The following ATP9B variants were observed in gnomAD, a reference collection of about 807,000 sequenced individuals.
ATP9B encodes the protein probable phospholipid-transporting ATPase IIB.
A neutral mutation model predicts 146.1 loss-of-function variants in ATP9B; 110 were observed. The ratio of observed to expected loss-of-function variants is 0.75; its 90% confidence interval spans 0.65 to 0.88. The LOEUF is 0.88. Ranked by LOEUF, ATP9B falls within the 40% of genes least tolerant of loss-of-function variation. The pLI is 0.00. For missense variants in ATP9B, 1,499 were observed against 1,496.4 expected (o/e 1.00, Z -0.03); for synonymous variants, 604 against 569.7 (o/e 1.06, Z -0.86).
Position 79,113,374 on chromosome 18 carries a change from ATTAAG to A in ATP9B, c.558+25_558+29del. ...CCTCTGGTAAGAAAAGACTTTAAAA[ATTAAG>A]TTAAATTATGAAATATTTAGAATAT... On this transcript the variant is annotated intron_variant, in intron 4 of 29. Coordinates refer to ENST00000426216, the MANE Select transcript of ATP9B (RefSeq NM_198531.5). 1 of 1,314,512 alleles carries A rather than the reference ATTAAG, an allele frequency of 7.6e-7. No homozygotes were observed. Among genetic ancestry groups the A allele is most frequent in the Non-Finnish European group, 1.1e-6 (1 of 932,558 alleles). The allele number at this position is 1,314,512 out of a possible 1,614,324, so 81.4% of individuals were successfully genotyped here. A position where few individuals can be genotyped will look rare whatever the true frequency, so the allele number is the denominator to read the frequency against.
intron 11 of ATP9B, among the ~76,000 whole-genome samples, chr18:79,234,063 CA>C (rs2095816649): frequency 6.6e-6 from 1 of 152,018 alleles, no homozygotes; most frequent in Non-Finnish European, 1.5e-5. Flanking sequence ...CCTTGTTGTT[CA>C]AGGGTCAACT....
At chr18:79,136,898 G>A (rs1371475227) in intron 5 of ATP9B, among the ~76,000 whole-genome samples, 1 of 152,156 alleles carries the variant, frequency 6.6e-6, no homozygotes, top group Non-Finnish European at 1.5e-5. Context: ...GCAGCAAGGA[G>A]AAGTGCAAAA....
chr18:79,346,273 A>G (rs2096886895), intron 23 of ATP9B, among the ~76,000 whole-genome samples: 1 of 143,634 alleles, frequency 7.0e-6, no homozygotes, highest in South Asian at 2.2e-4. Flanking sequence ...ATACGTGCTT[A>G]GTGCACATCA....
At chr18:79,175,486 A>G (rs1302989440) in intron 7 of ATP9B, among the ~76,000 whole-genome samples, 1 of 152,230 alleles carries the variant, frequency 6.6e-6, no homozygotes, top group Non-Finnish European at 1.5e-5. Flanking sequence ...ATATATGTGC[A>G]CACACACAGA....
At chr18:79,337,172 C>G in intron 18 of ATP9B, 107 bp from the exon 19 acceptor site, 1 of 1,405,214 alleles carries the variant, frequency 7.1e-7, no homozygotes, top group Non-Finnish European at 9.8e-7. Context: ...CACGTGTGCA[C>G]ATAGTCACCT....
At chr18:79,177,120 C>G (rs952807830) in intron 8 of ATP9B, among the ~76,000 whole-genome samples, 1 of 152,116 alleles carries the variant, frequency 6.6e-6, no homozygotes, top group Non-Finnish European at 1.5e-5. Context: ...TGTGAATTTT[C>G]TTTGACACTT....
chr18:79,110,582 T>A (rs2075942515), intron 3 of ATP9B, 77 bp downstream of exon 3: 2 of 1,403,770 alleles, frequency 1.4e-6, no homozygotes, highest in Non-Finnish European at 1.9e-6. Context: ...TGGAGCCTGT[T>A]GAGACTCTGA....
intron 7 of ATP9B, 117 bp from the exon 8 acceptor site, chr18:79,176,696 G>C (rs2095175884): frequency 1.3e-6 from 1 of 761,162 alleles, no homozygotes. Context: ...GGAATATCTA[G>C]ATTGTTATTT....
intron 13 of ATP9B, among the ~76,000 whole-genome samples, chr18:79,300,562 C>G (rs551350243): frequency 5.9e-5 from 9 of 152,242 alleles, no homozygotes; most frequent in African/African-American, 2.2e-4. Flanking sequence ...GACACAAACC[C>G]CTTTGTGAGG....
At chr18:79,335,185 T>C (rs891427570) in intron 17 of ATP9B, among the ~76,000 whole-genome samples, 14 of 152,232 alleles carry the variant, frequency 9.2e-5, no homozygotes, top group African/African-American at 3.4e-4. Context: ...CTATTAACTA[T>C]GAGCAGGCTC....
At chr18:79,069,593 G>A (rs2071462315) in intron 1 of ATP9B, 64 bp downstream of exon 1, 3 of 1,104,862 alleles carry the variant, frequency 2.7e-6, no homozygotes, top group Non-Finnish European at 3.5e-6. Context: ...GCCCACCGCA[G>A]GAACCCGGAG....
intron 1 of ATP9B, among the ~76,000 whole-genome samples, chr18:79,096,137 A>G (rs2074759509): frequency 6.6e-6 from 1 of 152,150 alleles, no homozygotes; most frequent in Non-Finnish European, 1.5e-5. Flanking sequence ...GTCATGTTTC[A>G]GAAGATTGGT....
chr18:79,267,237 T>C (rs954962941), intron 12 of ATP9B, among the ~76,000 whole-genome samples: 1 of 152,106 alleles, frequency 6.6e-6, no homozygotes, highest in African/African-American at 2.4e-5. Flanking sequence ...ATCCCTGACA[T>C]ACATAGGATC....
At chr18:79,205,076 T>C (rs1206858472) in intron 9 of ATP9B, among the ~76,000 whole-genome samples, 1 of 152,224 alleles carries the variant, frequency 6.6e-6, no homozygotes, top group Non-Finnish European at 1.5e-5. Context: ...CCCAGGGCCC[T>C]GAGAGTCTGA....
At position 79,113,358 on chromosome 18, in the gene ATP9B, A is replaced by G; in HGVS notation, c.558+4A>G. 2.1e-6 allele frequency: 3 copies of G among 1,453,028 alleles called. No homozygotes were observed. Among genetic ancestry groups the G allele is most frequent in the Non-Finnish European group, 2.8e-6 (3 of 1,053,868 alleles). 90.0% of individuals were successfully genotyped at this position (1,453,028 alleles called of 1,614,324 possible). A position where few individuals can be genotyped will look rare whatever the true frequency, so the allele number is the denominator to read the frequency against. On this transcript the variant is annotated splice_donor_region_variant and intron_variant, in intron 4 of 29. Coordinates refer to ENST00000426216, the MANE Select transcript of ATP9B (RefSeq NM_198531.5). Reference sequence around the variant, plus strand: ...CTACACCTACTGGGCTCCTCTGGTAAGAAAAGACTTTAAAAATTAAGTTAA... The same window carrying G: ...CTACACCTACTGGGCTCCTCTGGTAGGAAAAGACTTTAAAAATTAAGTTAA...
At chr18:79,181,303 G>A (rs893707454) in intron 8 of ATP9B, among the ~76,000 whole-genome samples, 5 of 152,130 alleles carry the variant, frequency 3.3e-5, no homozygotes, top group Non-Finnish European at 5.9e-5. Flanking sequence ...TGGCTTTCAG[G>A]AATTTAAGTG....
chr18:79,226,865 G>T (rs1220924661), intron 11 of ATP9B, among the ~76,000 whole-genome samples: 1 of 152,142 alleles, frequency 6.6e-6, no homozygotes, highest in Non-Finnish European at 1.5e-5. Flanking sequence ...ACTGACACCC[G>T]CTGTGTGTTG....
chr18:79,359,495 A>T lies in ATP9B; in HGVS notation c.3012+33A>T, dbSNP rs768596616. On this transcript the variant is annotated intron_variant, in intron 26 of 29. Coordinates refer to ENST00000426216, the MANE Select transcript of ATP9B (RefSeq NM_198531.5). ...CCTCAGGCAAGCTGTCTGCCTCACG[A>T]CTAGCACCCACATCTAGCATTTTAC... 2.6e-5 allele frequency: 38 copies of T among 1,482,380 alleles called. No homozygotes were observed. In the South Asian group the frequency reaches 4.3e-4, roughly 17 times the overall value. 91.8% of individuals were successfully genotyped at this position (1,482,380 alleles called of 1,614,324 possible). A position where few individuals can be genotyped will look rare whatever the true frequency, so the allele number is the denominator to read the frequency against.
Position 79,374,010 on chromosome 18 carries a change from C to G in ATP9B, c.3183C>G (p.Thr1061=). The change falls in exon 28 of 30, where the codon ACC becomes ACG. Residue 1061 remains threonine (T), a synonymous_variant. Transcript: ENST00000426216. ...ILTELLMVAL[T]VRTWHWLMVV... Reference sequence around the variant, plus strand: ...CCGAGCTGCTGATGGTGGCGCTGACCGTCCGCACGTGGCACTGGCTGATGG... The same window carrying G: ...CCGAGCTGCTGATGGTGGCGCTGACGGTCCGCACGTGGCACTGGCTGATGG... 1.2e-6 allele frequency: 2 copies of G among 1,614,184 alleles called. No individual in the cohort carries two copies. The highest frequency in any genetic ancestry group is 1.7e-4 in the Middle Eastern group (1 of 6,054).
Sources: gnomAD v4.1 joint callset for allele counts (sites outside exome capture counted in the v4.1 genomes callset) on GRCh38, gnomAD v4.1.1 for gene constraint, MANE v1.5 for transcripts, NCBI Gene and HGNC (gene_info 2026-07-23, HGNC 2026-07-21) for gene names.